The following PKD2L1 variants were observed in gnomAD, a reference collection of about 807,000 sequenced individuals.
The protein encoded by PKD2L1 is polycystin-2-like protein 1.
In PKD2L1, 77 loss-of-function variants were observed where a neutral mutation model predicts 93.0. The ratio of observed to expected loss-of-function variants is 0.83; its 90% CI spans 0.69 to 1.00. The LOEUF (loss-of-function observed/expected upper bound fraction) is 1.00, where lower values mean the gene tolerates loss of function less well. Ranked by LOEUF, PKD2L1 falls within the 50% of genes least tolerant of loss-of-function variation. PKD2L1 has a pLI of 0.00. For synonymous variants in PKD2L1, 390 were observed against 388.0 expected, an observed-to-expected ratio of 1.01 and a Z score of -0.06; for missense variants, 977 against 990.9, an observed-to-expected ratio of 0.99 and a Z score of 0.19.
At chr10:100,299,820 C>T in intron 2 of PKD2L1, 102 bp from the exon 3 acceptor site, 2 of 1,033,804 alleles carry the variant, frequency 1.9e-6, no homozygotes, top group Non-Finnish European at 1.5e-6. Context: ...GATGGAAGCC[C>T]ATCCCCCATC....
Position 100,330,215 on chromosome 10 carries a change from G to C in PKD2L1, c.-112C>G. The C allele has an allele frequency of 1.6e-6, 1 of 627,754 alleles. No individual in the cohort carries two copies. The highest frequency in any genetic ancestry group is 2.7e-6 in the Non-Finnish European group (1 of 366,550). 38.9% of individuals were successfully genotyped at this position (627,754 alleles called of 1,614,324 possible). ...GCAGAGAGCAAATGGAAAGGCGTCTGAGAGCAGCTGTTTCCACACAGCCTG... is the reference window on the plus strand; with the variant it reads ...GCAGAGAGCAAATGGAAAGGCGTCTCAGAGCAGCTGTTTCCACACAGCCTG... On this transcript the variant is annotated 5_prime_UTR_variant, in exon 1 of 16. Coordinates refer to ENST00000318222, the MANE Select transcript of PKD2L1 (RefSeq NM_016112.3).
At chr10:100,294,826 G>C in intron 8 of PKD2L1, 116 bp downstream of exon 8, 2 of 1,303,424 alleles carry the variant, frequency 1.5e-6, no homozygotes, top group South Asian at 2.7e-5. Context: ...CCCTCACACA[G>C]ATGCTTTGAA....
At chr10:100,303,792 G>A (rs561902952) in intron 2 of PKD2L1, among the ~76,000 whole-genome samples, 8 of 152,140 alleles carry the variant, frequency 5.3e-5, no homozygotes, top group Non-Finnish European at 1.0e-4. Context: ...ATGGGGTCCC[G>A]CTGGAAATCA....
intron 2 of PKD2L1, among the ~76,000 whole-genome samples, 197 bp from the exon 3 acceptor site, chr10:100,299,915 A>G (rs1288247662): frequency 6.6e-6 from 1 of 152,126 alleles, no homozygotes; most frequent in Non-Finnish European, 1.5e-5. Flanking sequence ...TGTAGCTACA[A>G]TGTCTCCTCC....
At chr10:100,306,227 C>T (rs1396750028) in intron 2 of PKD2L1, among the ~76,000 whole-genome samples, 4 of 152,322 alleles carry the variant, frequency 2.6e-5, no homozygotes, top group Admixed American at 6.5e-5. Flanking sequence ...AAGTGATACT[C>T]GTGGTCATGG....
At chr10:100,303,191 G>GTTTTTTTTTTTTTTT (rs146131470) in intron 2 of PKD2L1, among the ~76,000 whole-genome samples, 1 of 128,984 alleles carries the variant, frequency 7.8e-6, no homozygotes, top group Non-Finnish European at 1.6e-5. Flanking sequence ...ACATCAAACT[G>GTTTTTTTTTTTTTTT]TTTTTTTGTT....
chr10:100,305,226 C>T (rs1272338034), intron 2 of PKD2L1, among the ~76,000 whole-genome samples: 7 of 151,876 alleles, frequency 4.6e-5, no homozygotes, highest in African/African-American at 1.4e-4. Flanking sequence ...ATTCTCCTGC[C>T]TCAGGCTCCT....
intron 2 of PKD2L1, among the ~76,000 whole-genome samples, chr10:100,310,541 A>G (rs1848909650): frequency 6.6e-6 from 1 of 152,116 alleles, no homozygotes; most frequent in Non-Finnish European, 1.5e-5. Context: ...AACATCTCTA[A>G]AATACCATGA....
chr10:100,305,795 A>G (rs1158768676), intron 2 of PKD2L1, among the ~76,000 whole-genome samples: 1 of 152,160 alleles, frequency 6.6e-6, no homozygotes, highest in Non-Finnish European at 1.5e-5. Flanking sequence ...ACATGGGGTG[A>G]TGATTTGGCT....
intron 2 of PKD2L1, among the ~76,000 whole-genome samples, chr10:100,308,476 A>G (rs1848857134): frequency 6.6e-6 from 1 of 151,938 alleles, no homozygotes; most frequent in Non-Finnish European, 1.5e-5. Context: ...CTAGGATTAC[A>G]GGCATGCACC....
chr10:100,312,447 T>A (rs1379041657), intron 2 of PKD2L1, among the ~76,000 whole-genome samples: 1 of 152,132 alleles, frequency 6.6e-6, no homozygotes, highest in African/African-American at 2.4e-5. Context: ...TGGAAATGAA[T>A]CCAAGATCCT....
chr10:100,294,848 A>C, intron 8 of PKD2L1, 94 bp downstream of exon 8: 1 of 1,315,722 alleles, frequency 7.6e-7, no homozygotes, highest in Middle Eastern at 1.9e-4. Context: ...ACAGACATGC[A>C]GACACGCACG....
intron 2 of PKD2L1, among the ~76,000 whole-genome samples, chr10:100,303,862 A>C (rs1024702966): frequency 2.6e-5 from 4 of 152,186 alleles, no homozygotes; most frequent in African/African-American, 9.7e-5. Flanking sequence ...AACCTTTCCT[A>C]ATGAAGCAGG....
At chr10:100,291,943 A>G (rs1279387961) in intron 11 of PKD2L1, among the ~76,000 whole-genome samples, 2 of 151,486 alleles carry the variant, frequency 1.3e-5, no homozygotes, top group Non-Finnish European at 2.9e-5. Context: ...ATGCTCAACT[A>G]CTTATTCCTC....
chr10:100,302,745 G>C (rs891804013), intron 2 of PKD2L1, among the ~76,000 whole-genome samples: 4 of 151,768 alleles, frequency 2.6e-5, no homozygotes, highest in African/African-American at 9.7e-5. Context: ...AATTTGACTT[G>C]ATATAAATGT....
chr10:100,329,606 T>C (rs1351861407), intron 1 of PKD2L1, among the ~76,000 whole-genome samples: 1 of 152,086 alleles, frequency 6.6e-6, no homozygotes, highest in Non-Finnish European at 1.5e-5. Flanking sequence ...ATCACATCCA[T>C]GTCCTCCCTC....
At position 100,294,843 on chromosome 10, in the gene PKD2L1, C is replaced by G. The variant is rs143030388; in HGVS notation, c.1538+99G>C. The G allele has an allele frequency of 3.8e-6, 5 of 1,315,518 alleles. No homozygotes were observed. In the East Asian group the frequency reaches 1.2e-4, roughly 31 times the overall value. The allele number at this position is 1,315,518 out of a possible 1,614,324, so 81.5% of individuals were successfully genotyped here. On this transcript the variant is annotated intron_variant, in intron 8 of 15. Coordinates refer to ENST00000318222, the MANE Select transcript of PKD2L1 (RefSeq NM_016112.3). ...CTCACACAGATGCTTTGAACACAGA[C>G]ATGCAGACACGCACGTACCCATCTT...
At chr10:100,325,304 G>C (rs963826146) in intron 2 of PKD2L1, among the ~76,000 whole-genome samples, 7 of 152,118 alleles carry the variant, frequency 4.6e-5, no homozygotes, top group African/African-American at 1.7e-4. Flanking sequence ...GATGCAGTTG[G>C]CCAGAGCTCA....
intron 2 of PKD2L1, among the ~76,000 whole-genome samples, chr10:100,302,405 T>C (rs1337563948): frequency 1.3e-5 from 2 of 152,058 alleles, no homozygotes; most frequent in African/African-American, 4.8e-5. Flanking sequence ...TAAAGAATTG[T>C]TCCAGGTTTG....
Sources: allele counts gnomAD v4.1 joint callset (sites outside exome capture counted in the v4.1 genomes callset), GRCh38; gene constraint gnomAD v4.1.1; transcripts MANE v1.5; gene names NCBI Gene and HGNC (gene_info 2026-07-23, HGNC 2026-07-21).